PPP4R3B: variants seen among roughly 807,000 people sequenced by gnomAD.
The protein encoded by PPP4R3B is protein phosphatase 4 regulatory subunit 3B.
A neutral mutation model predicts 95.4 loss-of-function variants in PPP4R3B; 52 were observed. The ratio of observed to expected loss-of-function variants is 0.54; its 90% CI spans 0.44 to 0.69. The LOEUF (loss-of-function observed/expected upper bound fraction) is 0.69, where lower values mean the gene tolerates loss of function less well. Ranked by LOEUF, PPP4R3B falls within the 30% of genes least tolerant of loss-of-function variation. The pLI, the probability that PPP4R3B is intolerant of heterozygous loss-of-function variation, is 0.00. For missense variants in PPP4R3B, 1,003 were observed against 1,005.9 expected (o/e 1.00, Z 0.04); for synonymous variants, 407 against 343.9 (o/e 1.18, Z -2.03).
At chr2:55,600,426 CA>C (rs60764774) in intron 3 of PPP4R3B, among the ~76,000 whole-genome samples, 1,065 of 21,594 alleles carry the variant, frequency 0.049, 2 homozygotes, top group Middle Eastern at 0.1. Context: ...AACTCTGTCT[CA>C]AAAAAAAAAA....
At chr2:55,616,418 A>G (rs1694934871) in intron 1 of PPP4R3B, 4 of 152,240 alleles carry the variant, frequency 2.6e-5, no homozygotes, top group Admixed American at 2.6e-4. Context: ...AATCAAGTCC[A>G]GATTATACTA....
At chr2:55,566,234 A>G in intron 13 of PPP4R3B, among the ~76,000 whole-genome samples, 1 of 152,218 alleles carries the variant, frequency 6.6e-6, no homozygotes. Flanking sequence ...AATTGAAAAA[A>G]AATACGCAAA....
chr2:55,566,276 T>C (rs1321822311), intron 13 of PPP4R3B, among the ~76,000 whole-genome samples: 1 of 152,160 alleles, frequency 6.6e-6, no homozygotes. Flanking sequence ...AATGGCTCTA[T>C]GTTATATGTG....
At chr2:55,565,971 T>G (rs1687244564) in intron 13 of PPP4R3B, 1 of 152,190 alleles carries the variant, frequency 6.6e-6, no homozygotes, top group African/African-American at 2.4e-5. Flanking sequence ...TGTCTATTCC[T>G]ATAGTCTTCC....
chr2:55,551,920 GAAAT>G (rs1685297356), intron 16 of PPP4R3B, among the ~76,000 whole-genome samples: 1 of 152,138 alleles, frequency 6.6e-6, no homozygotes, highest in Admixed American at 6.5e-5. Context: ...GGAAAAACAA[GAAAT>G]AATTCTGGTA....
chr2:55,589,973 AT>A (rs1419205839), intron 4 of PPP4R3B, among the ~76,000 whole-genome samples: 1 of 144,456 alleles, frequency 6.9e-6, no homozygotes, highest in Admixed American at 7.1e-5. Context: ...ATATATTTAT[AT>A]ATATATTTAA....
chr2:55,601,082 T>C (rs1047383218), intron 3 of PPP4R3B, among the ~76,000 whole-genome samples: 1 of 147,116 alleles, frequency 6.8e-6, no homozygotes, highest in Non-Finnish European at 1.5e-5. Context: ...GAGGCAGAGG[T>C]TGCAGTGAGC....
chr2:55,559,735 C>A (rs369887370), intron 15 of PPP4R3B, among the ~76,000 whole-genome samples: 37 of 152,324 alleles, frequency 2.4e-4, no homozygotes, highest in African/African-American at 8.4e-4. Flanking sequence ...TACCTCTTTT[C>A]TTCATAAATT....
intron 15 of PPP4R3B, among the ~76,000 whole-genome samples, chr2:55,559,814 G>T (rs911595282): frequency 2.6e-5 from 4 of 152,148 alleles, no homozygotes; most frequent in African/African-American, 9.7e-5. Flanking sequence ...CAGGAATGTG[G>T]TACTGCTATA....
chr2:55,600,949 G>T (rs1021594775), intron 3 of PPP4R3B, among the ~76,000 whole-genome samples: 1 of 151,960 alleles, frequency 6.6e-6, no homozygotes, highest in African/African-American at 2.4e-5. Flanking sequence ...ACGAGCTCAG[G>T]AGTTCAAGAC....
chr2:55,571,184 C>A (rs1687949660), intron 12 of PPP4R3B, among the ~76,000 whole-genome samples: 1 of 152,006 alleles, frequency 6.6e-6, no homozygotes. Flanking sequence ...GTGGCAGGCA[C>A]TTGTAATCCC....
chr2:55,567,074 G>C (rs1229358104), intron 13 of PPP4R3B, among the ~76,000 whole-genome samples: 1 of 152,182 alleles, frequency 6.6e-6, no homozygotes, highest in African/African-American at 2.4e-5. Context: ...TCAGTGGAAT[G>C]ATTTCGGTGT....
In PPP4R3B at chr2:55,600,238, C is replaced by T. The variant is rs566154955; in HGVS notation, c.298-1199G>A. Among the ~76,000 whole-genome samples the T allele has an allele frequency of 6.6e-5, 10 of 152,036 alleles. No individual in the cohort carries two copies. In the South Asian group the frequency reaches 2.1e-3, roughly 32 times the overall value. On this transcript the variant is annotated intron_variant, in intron 3 of 16. Coordinates refer to ENST00000616407, the MANE Select transcript of PPP4R3B (RefSeq NM_001122964.3). ...GGTCAGGAGTTCAAGACCAGCCTGA[C>T]CAACATGGAGAAACCCTGTCTCTAC...
chr2:55,564,429 A>G lies in PPP4R3B; in HGVS notation c.2144T>C (p.Met715Thr), dbSNP rs893789335. ...DAKALEEDEE[M>T]WFNEDEEEEG... ...CTCTTCTTCATCTTCATTAAACCAC[A>G]TTTCTTCATCCTCTTCCAAGGCTTT... The change falls in exon 15 of 17, where the codon ATG (methionine) becomes ACG (threonine). Residue 715 changes from methionine (M) to threonine (T), a missense_variant. Physicochemically the swap from Met to Thr is moderately conservative, Grantham distance 81 (BLOSUM62 -1). Transcript: ENST00000616407. 6.2e-7 allele frequency: 1 copy of G among 1,613,660 alleles called. No homozygotes were observed. The highest frequency in any genetic ancestry group is 8.5e-7 in the Non-Finnish European group (1 of 1,179,834).
At chr2:55,603,911 TA>T in intron 3 of PPP4R3B, 66 bp downstream of exon 3, 1 of 1,178,100 alleles carries the variant, frequency 8.5e-7, no homozygotes, top group Non-Finnish European at 1.2e-6. Context: ...ATGTTTGAAG[TA>T]AAAAGGAAAC....
chr2:55,607,955 A>G (rs185557866), intron 2 of PPP4R3B, among the ~76,000 whole-genome samples: 1 of 152,334 alleles, frequency 6.6e-6, no homozygotes, highest in Admixed American at 6.5e-5. Flanking sequence ...GTCCAGGTAA[A>G]CAACGAAATC....
At chr2:55,607,136 AAC>A (rs957612744) in intron 2 of PPP4R3B, among the ~76,000 whole-genome samples, 45 of 152,234 alleles carry the variant, frequency 3.0e-4, no homozygotes, top group Admixed American at 4.6e-4. Context: ...GAAATAAAAA[AAC>A]AGTTTCTCAT....
chr2:55,614,349 C>T (rs1694606673), intron 2 of PPP4R3B: 1 of 152,042 alleles, frequency 6.6e-6, no homozygotes, highest in Non-Finnish European at 1.5e-5. Context: ...AAAAAGAATA[C>T]CTGGAAATAA....
At position 55,575,930 on chromosome 2, in the gene PPP4R3B, A is replaced by T. The variant is rs542500611; in HGVS notation, c.1606+1385T>A. Among the ~76,000 whole-genome samples the T allele has an allele frequency of 7.9e-5, 12 of 152,382 alleles. No homozygotes were observed. In the South Asian group the frequency reaches 2.5e-3, roughly 32 times the overall value. On this transcript the variant is annotated intron_variant, in intron 11 of 16. Coordinates refer to ENST00000616407, the MANE Select transcript of PPP4R3B (RefSeq NM_001122964.3). ...ACCATCACATATAAATACACAAAAT[A>T]AAATTCTGATATTTCAAGGACTGTT...
Sources: gnomAD v4.1 joint callset for allele counts (sites outside exome capture counted in the v4.1 genomes callset) on GRCh38, gnomAD v4.1.1 for gene constraint, MANE v1.5 for transcripts, NCBI Gene and HGNC (gene_info 2026-07-23, HGNC 2026-07-21) for gene names.